GRID2: variants seen among roughly 807,000 people sequenced by gnomAD.
GRID2 encodes glutamate receptor ionotropic, delta-2.
GRID2 carries 33 observed loss-of-function variants against 114.8 expected under a neutral mutation model. That is an observed-to-expected ratio of 0.29 (90% confidence interval 0.22 to 0.38). GRID2 has a LOEUF of 0.38. Ranked by LOEUF, GRID2 falls within the 10% of genes least tolerant of loss-of-function variation. The pLI is 1.00. For synonymous variants in GRID2, 505 were observed against 449.9 expected, an observed-to-expected ratio of 1.12 and a Z score of -1.55; for missense variants, 1,184 against 1,257.7, an observed-to-expected ratio of 0.94 and a Z score of 0.89.
chr4:93,521,905 G>A (rs1238423519), intron 13 of GRID2, among the ~76,000 whole-genome samples: 2 of 152,140 alleles, frequency 1.3e-5, no homozygotes, highest in Admixed American at 6.6e-5. Context: ...AAATTTTGCT[G>A]AAAGAAAATG....
chr4:93,014,038 T>C (rs1279123809), intron 2 of GRID2, among the ~76,000 whole-genome samples: 2 of 151,974 alleles, frequency 1.3e-5, no homozygotes, highest in African/African-American at 4.8e-5. Flanking sequence ...TGAACAAGCA[T>C]AAAGTAAGAT....
chr4:93,094,611 C>T (rs1291849637), intron 3 of GRID2, among the ~76,000 whole-genome samples: 2 of 151,858 alleles, frequency 1.3e-5, no homozygotes, highest in African/African-American at 4.8e-5. Context: ...AATCTGAAGG[C>T]TGGATATTGA....
At chr4:93,646,646 A>C (rs1408180558) in intron 14 of GRID2, among the ~76,000 whole-genome samples, 2 of 152,184 alleles carry the variant, frequency 1.3e-5, no homozygotes, top group Non-Finnish European at 2.9e-5. Flanking sequence ...CAGCAGAGGC[A>C]GTGAGCAAGA....
rs140673609 is a variant in GRID2 at position 93,200,913 on chromosome 4, C to T, written c.736-6491C>T. Among the ~76,000 whole-genome samples the T allele has an allele frequency of 4.9e-3, 742 of 152,282 alleles. 7 individuals are homozygous for T. The highest frequency in any genetic ancestry group is 0.017 in the African/African-American group (714 of 41,564). On this transcript the variant is annotated intron_variant, in intron 4 of 15. Coordinates refer to ENST00000282020, the MANE Select transcript of GRID2 (RefSeq NM_001510.4). ...TATCTTCTCCTAGAGATCAATAAGG[C>T]ACATGAACTGAAATGTGAGGAGCTG...
chr4:93,303,235 A>C (rs1755059856), intron 8 of GRID2, among the ~76,000 whole-genome samples: 1 of 152,188 alleles, frequency 6.6e-6, no homozygotes, highest in Non-Finnish European at 1.5e-5. Flanking sequence ...TGGGGATTAC[A>C]ATTCGACATG....
At chr4:92,813,834 C>T (rs1043304179) in intron 2 of GRID2, among the ~76,000 whole-genome samples, 1 of 152,056 alleles carries the variant, frequency 6.6e-6, no homozygotes, top group African/African-American at 2.4e-5. Flanking sequence ...TTACCAGTGT[C>T]TATATAATAT....
At position 92,971,527 on chromosome 4, in the gene GRID2, C is replaced by G. The variant is rs544191417; in HGVS notation, c.245-113468C>G. 2.6e-5 allele frequency among the ~76,000 whole-genome samples: 4 copies of G among 152,152 alleles called. No individual in the cohort carries two copies. The South Asian group carries it at 8.3e-4, about 32-fold the overall frequency. On this transcript the variant is annotated intron_variant, in intron 2 of 15. Coordinates refer to ENST00000282020, the MANE Select transcript of GRID2 (RefSeq NM_001510.4). Reference sequence around the variant, plus strand: ...CATAGCCATCAACTCAAACATTTATCATTTCTCTGTGTGTGAACATTTAAA... The same window carrying G: ...CATAGCCATCAACTCAAACATTTATGATTTCTCTGTGTGTGAACATTTAAA...
chr4:92,630,622 G>C (rs1225888117), intron 2 of GRID2, among the ~76,000 whole-genome samples: 2 of 152,026 alleles, frequency 1.3e-5, no homozygotes, highest in Non-Finnish European at 2.9e-5. Context: ...GTTTTAGCTC[G>C]CTAAATCCTA....
At chr4:93,274,433 G>A (rs1446401704) in intron 8 of GRID2, among the ~76,000 whole-genome samples, 2 of 152,046 alleles carry the variant, frequency 1.3e-5, no homozygotes, top group Non-Finnish European at 2.9e-5. Flanking sequence ...CAATTTTACT[G>A]TAACTTCTCA....
chr4:92,743,395 G>C (rs1736992781), intron 2 of GRID2, among the ~76,000 whole-genome samples: 1 of 152,104 alleles, frequency 6.6e-6, no homozygotes, highest in Non-Finnish European at 1.5e-5. Flanking sequence ...CAGTCATATA[G>C]ATTTCTGATT....
intron 13 of GRID2, among the ~76,000 whole-genome samples, chr4:93,516,668 G>A (rs191527026): frequency 6.6e-6 from 1 of 152,186 alleles, no homozygotes; most frequent in East Asian, 1.9e-4. Context: ...GTTGAGAGAT[G>A]GATCCAAGTG....
chr4:92,828,679 AT>A (rs2149395930), intron 2 of GRID2, among the ~76,000 whole-genome samples: 1 of 152,122 alleles, frequency 6.6e-6, no homozygotes, highest in East Asian at 1.9e-4. Context: ...GAAGTTTTAC[AT>A]TTTTTTCTTT....
intron 9 of GRID2, among the ~76,000 whole-genome samples, chr4:93,397,506 C>T (rs1765448474): frequency 6.6e-6 from 1 of 151,836 alleles, no homozygotes; most frequent in Non-Finnish European, 1.5e-5. Context: ...GTCCAATTAA[C>T]CTCAGTCAGT....
intron 1 of GRID2, among the ~76,000 whole-genome samples, chr4:92,523,394 A>G (rs1222705220): frequency 2.6e-5 from 4 of 152,010 alleles, no homozygotes; most frequent in Admixed American, 2.0e-4. Flanking sequence ...AGCAGAGCAT[A>G]TAAGTTAAGG....
intron 11 of GRID2, among the ~76,000 whole-genome samples, chr4:93,462,540 A>T (rs960146302): frequency 2.7e-4 from 41 of 152,186 alleles, no homozygotes; most frequent in East Asian, 1.9e-3. Flanking sequence ...TTTTTGGAAG[A>T]AAATAAAGAG....
intron 1 of GRID2, among the ~76,000 whole-genome samples, chr4:92,511,098 T>C (rs1478039338): frequency 2.0e-5 from 3 of 151,792 alleles, no homozygotes; most frequent in Non-Finnish European, 4.4e-5. Context: ...AGAAAAATGG[T>C]TTAATTTGGC....
At position 93,096,445 on chromosome 4, in the gene GRID2, G is replaced by C. The variant is rs921850706; in HGVS notation, c.529+11166G>C. Among the ~76,000 whole-genome samples, 4 of 151,966 alleles carry C rather than the reference G, an allele frequency of 2.6e-5. No individual in the cohort carries two copies. In the East Asian group the frequency reaches 7.7e-4, roughly 29 times the overall value. On this transcript the variant is annotated intron_variant, in intron 3 of 15. Transcript: ENST00000282020. The stretch of plus-strand genomic sequence containing the variant: ...ATTCTAAAACATAGATCCGAAAAAC[G>C]TATAAATATGTGAAATATGTAAAGT...
Position 93,281,683 on chromosome 4 carries a change from T to C in GRID2, c.1245+43193T>C, listed in dbSNP as rs139921949. Among the ~76,000 whole-genome samples the C allele has an allele frequency of 9.7e-3, 1,468 of 152,080 alleles. 18 individuals carry two copies. Among genetic ancestry groups the C allele is most frequent in the African/African-American group, 0.034 (1,402 of 41,520 alleles). Reference sequence around the variant, plus strand: ...CCAAAGCTGTATAGTTGGCTGAGTATTTTCTCTGCTCTGAGTGACCTAAAT... The same window carrying C: ...CCAAAGCTGTATAGTTGGCTGAGTACTTTCTCTGCTCTGAGTGACCTAAAT... On this transcript the variant is annotated intron_variant, in intron 8 of 15. Transcript: ENST00000282020.
chr4:93,377,982 G>T (rs1384124987), intron 8 of GRID2, among the ~76,000 whole-genome samples: 1 of 151,990 alleles, frequency 6.6e-6, no homozygotes, highest in Non-Finnish European at 1.5e-5. Flanking sequence ...TCAAAAAATT[G>T]TAAAATGTCA....
Sources: gnomAD v4.1 joint callset for allele counts (sites outside exome capture counted in the v4.1 genomes callset) on GRCh38, gnomAD v4.1.1 for gene constraint, MANE v1.5 for transcripts, NCBI Gene and HGNC (gene_info 2026-07-23, HGNC 2026-07-21) for gene names.